Variants in MAP4K3 observed in about 807,000 individuals in gnomAD.
MAP4K3 encodes the protein mitogen-activated protein kinase kinase kinase kinase 3.
A neutral mutation model predicts 143.5 loss-of-function variants in MAP4K3; 94 were observed. The ratio of observed to expected loss-of-function variants is 0.65; its 90% CI spans 0.55 to 0.78. MAP4K3 has a LOEUF of 0.78. MAP4K3 is among the 30% of genes least tolerant of loss of function. The pLI is 0.00. For missense variants in MAP4K3, 1,077 were observed against 1,068.1 expected (o/e 1.01, Z -0.12); for synonymous variants, 416 against 347.2 (o/e 1.20, Z -2.20).
At chr2:39,325,696 A>C in intron 11 of MAP4K3, 34 bp downstream of exon 11, 2 of 1,538,238 alleles carry the variant, frequency 1.3e-6, no homozygotes, top group Non-Finnish European at 1.8e-6. Context: ...TATCTTTTGA[A>C]ATATATATAT....
At chr2:39,316,522 G>A (rs907054492) in intron 12 of MAP4K3, among the ~76,000 whole-genome samples, 2 of 151,900 alleles carry the variant, frequency 1.3e-5, no homozygotes, top group Middle Eastern at 3.4e-3. Flanking sequence ...ATATGAAAAC[G>A]GTATTTTTTC....
intron 4 of MAP4K3, 27 bp from the exon 5 acceptor site, chr2:39,337,608 T>G: frequency 6.6e-7 from 1 of 1,504,764 alleles, no homozygotes; most frequent in South Asian, 1.2e-5. Context: ...TTAATACTCA[T>G]AAAATTAGTC....
At chr2:39,344,210 CATAAATGAATG>C (rs1558657259) in intron 3 of MAP4K3, among the ~76,000 whole-genome samples, 6 of 152,236 alleles carry the variant, frequency 3.9e-5, no homozygotes, top group Non-Finnish European at 7.4e-5. Flanking sequence ...ATATTTGTTC[CATAAATGAATG>C]ATTGCATGAG....
chr2:39,331,304 A>C (rs1419202220), intron 8 of MAP4K3, among the ~76,000 whole-genome samples: 1 of 152,170 alleles, frequency 6.6e-6, no homozygotes, highest in Admixed American at 6.5e-5. Flanking sequence ...CTAGCATAGT[A>C]AGCGGCCAAA....
At chr2:39,287,074 C>T (rs1681813723) in intron 20 of MAP4K3, 110 bp from the exon 21 acceptor site, 6 of 577,192 alleles carry the variant, frequency 1.0e-5, no homozygotes, top group Non-Finnish European at 1.8e-5. Flanking sequence ...TGTCATTATT[C>T]ATTTGGGATC....
At chr2:39,354,275 C>T (rs1665542963) in intron 3 of MAP4K3, among the ~76,000 whole-genome samples, 1 of 152,048 alleles carries the variant, frequency 6.6e-6, no homozygotes, top group South Asian at 2.1e-4. Context: ...AACCCCGTCT[C>T]TACTAAAAAT....
At chr2:39,387,077 G>A (rs916844724) in intron 1 of MAP4K3, among the ~76,000 whole-genome samples, 1 of 152,096 alleles carries the variant, frequency 6.6e-6, no homozygotes, top group African/African-American at 2.4e-5. Context: ...GCCTCCCAAA[G>A]TGCTGGGATG....
intron 28 of MAP4K3, among the ~76,000 whole-genome samples, chr2:39,264,769 G>A (rs140671726): frequency 6.6e-6 from 1 of 152,170 alleles, no homozygotes; most frequent in Admixed American, 6.5e-5. Flanking sequence ...CTGTGGAAAG[G>A]CCTAGGTAAA....
At chr2:39,406,764 C>T (rs1432240948) in intron 1 of MAP4K3, among the ~76,000 whole-genome samples, 3 of 152,080 alleles carry the variant, frequency 2.0e-5, no homozygotes, top group Non-Finnish European at 2.9e-5. Context: ...GGATGCTAAT[C>T]AGCAACAAGA....
intron 1 of MAP4K3, among the ~76,000 whole-genome samples, chr2:39,432,934 C>T (rs1260899416): frequency 2.0e-5 from 3 of 152,142 alleles, no homozygotes; most frequent in East Asian, 3.8e-4. Flanking sequence ...TCAATATCAA[C>T]GTTTCCAAAG....
intron 12 of MAP4K3, among the ~76,000 whole-genome samples, chr2:39,319,441 C>G (rs955608424): frequency 6.6e-6 from 1 of 152,130 alleles, no homozygotes; most frequent in Non-Finnish European, 1.5e-5. Context: ...GGAGGACCAA[C>G]ATTTCATATA....
intron 15 of MAP4K3, 93 bp from the exon 16 acceptor site, chr2:39,299,894 A>G (rs1305464978): frequency 1.1e-5 from 5 of 467,470 alleles, no homozygotes; most frequent in Non-Finnish European, 1.4e-5. Flanking sequence ...TTTAAAAGAT[A>G]AGTCCCAGAC....
intron 1 of MAP4K3, among the ~76,000 whole-genome samples, chr2:39,422,013 T>C (rs955789256): frequency 6.6e-6 from 1 of 151,314 alleles, no homozygotes; most frequent in Non-Finnish European, 1.5e-5. Flanking sequence ...ACGCTATAAT[T>C]ACTCCATACT....
At chr2:39,413,681 G>T (rs772581505) in intron 1 of MAP4K3, among the ~76,000 whole-genome samples, 1 of 151,872 alleles carries the variant, frequency 6.6e-6, no homozygotes, top group Non-Finnish European at 1.5e-5. Flanking sequence ...AGCAAGACCA[G>T]GGTAGAGGTG....
Position 39,332,120 on chromosome 2 carries a change from T to C in MAP4K3, c.458-131A>G, listed in dbSNP as rs552388064. Reference sequence around the variant, plus strand: ...CAGCAATACGGGATATTCTCAAACATCACATTACAAATTTTAACCTTAATG... The same window carrying C: ...CAGCAATACGGGATATTCTCAAACACCACATTACAAATTTTAACCTTAATG... On this transcript the variant is annotated intron_variant, in intron 7 of 33. Coordinates refer to ENST00000263881, the MANE Select transcript of MAP4K3 (RefSeq NM_003618.4). 3.5e-4 allele frequency: 173 copies of C among 491,924 alleles called. 5 individuals carry two copies. In the South Asian group the frequency reaches 7.7e-3, roughly 22 times the overall value. The allele number at this position is 491,924 out of a possible 1,614,324, so 30.5% of individuals were successfully genotyped here. A position where few individuals can be genotyped will look rare whatever the true frequency, so the allele number is the denominator to read the frequency against.
intron 12 of MAP4K3, among the ~76,000 whole-genome samples, chr2:39,324,492 C>T (rs560682561): frequency 6.6e-6 from 1 of 152,180 alleles, no homozygotes; most frequent in South Asian, 2.1e-4. Context: ...CATTTTTAAG[C>T]TCCAAACTCT....
intron 4 of MAP4K3, among the ~76,000 whole-genome samples, chr2:39,340,693 T>C (rs1031206414): frequency 6.6e-6 from 1 of 151,952 alleles, no homozygotes; most frequent in Non-Finnish European, 1.5e-5. Context: ...AGGTACGCCT[T>C]AAAAACTAAA....
At chr2:39,293,443 A>C (rs1001710480) in intron 16 of MAP4K3, among the ~76,000 whole-genome samples, 175 bp from the exon 17 acceptor site, 4 of 152,210 alleles carry the variant, frequency 2.6e-5, no homozygotes, top group Admixed American at 6.5e-5. Context: ...AGTTATATTT[A>C]ATAAAATACC....
rs68013609 is a variant in MAP4K3, at chr2:39,369,205, G to GTTTTTTTTTTTGTT, written c.154+8860_154+8861insAACAAAAAAAAAAA. On this transcript the variant is annotated intron_variant, in intron 2 of 33. Transcript: ENST00000263881. ...AACCTTTGGGCTAGTTTTTTTTTTTGTTTTTTTTGAGATGCAGTTTTGCTC... is the reference window on the plus strand; with the variant it reads ...AACCTTTGGGCTAGTTTTTTTTTTTGTTTTTTTTTTTGTTTTTTTTTTGAGATGCAGTTTTGCTC... 2.2e-4 allele frequency among the ~76,000 whole-genome samples: 28 copies of GTTTTTTTTTTTGTT among 125,368 alleles called. 1 individual carries two copies. Among genetic ancestry groups the GTTTTTTTTTTTGTT allele is most frequent in the African/African-American group, 3.8e-4 (12 of 31,684 alleles). 82.2% of individuals were successfully genotyped at this position (125,368 alleles called of 152,430 possible).
Sources: allele counts gnomAD v4.1 joint callset (sites outside exome capture counted in the v4.1 genomes callset), GRCh38; gene constraint gnomAD v4.1.1; transcripts MANE v1.5; gene names NCBI Gene and HGNC (gene_info 2026-07-23, HGNC 2026-07-21).